The following PDE4B variants were observed in gnomAD, a reference collection of about 807,000 sequenced individuals.
The protein encoded by PDE4B is phosphodiesterase 4B.
PDE4B carries 20 observed loss-of-function variants against 82.2 expected under a neutral mutation model. That is an observed-to-expected ratio of 0.24 (90% CI 0.17 to 0.35). PDE4B has a LOEUF of 0.35. Among genes scored for constraint, PDE4B ranks in the 10% least tolerant of loss-of-function variants. PDE4B has a pLI of 1.00. For synonymous variants in PDE4B, 320 were observed against 318.9 expected, an observed-to-expected ratio of 1.00 and a Z score of -0.04; for missense variants, 655 against 907.2, an observed-to-expected ratio of 0.72 and a Z score of 3.57.
At chr1:65,917,177 A>G (rs769326048) in intron 2 of PDE4B, among the ~76,000 whole-genome samples, 33 of 152,222 alleles carry the variant, frequency 2.2e-4, no homozygotes, top group Admixed American at 1.3e-4. Context: ...CAAAATAATA[A>G]TAGATGTGTG....
chr1:66,354,515 A>T, intron 8 of PDE4B: 1 of 1,086,882 alleles, frequency 9.2e-7, no homozygotes, highest in Non-Finnish European at 1.1e-6. Context: ...CCCTTCGGCC[A>T]CCAGGGCTAT....
intron 3 of PDE4B, among the ~76,000 whole-genome samples, chr1:66,204,517 C>T (rs1371998948): frequency 6.6e-6 from 1 of 152,256 alleles, no homozygotes; most frequent in East Asian, 1.9e-4. Flanking sequence ...TTCCTGGCTG[C>T]TTTGTTTACC....
chr1:65,799,409 C>G (rs964865190), intron 1 of PDE4B, among the ~76,000 whole-genome samples: 2 of 152,074 alleles, frequency 1.3e-5, no homozygotes, highest in African/African-American at 2.4e-5. Flanking sequence ...AGAAAAACTA[C>G]TTCAATAAGT....
At chr1:66,023,978 T>G (rs561235988) in intron 3 of PDE4B, among the ~76,000 whole-genome samples, 1 of 152,196 alleles carries the variant, frequency 6.6e-6, no homozygotes, top group South Asian at 2.1e-4. Flanking sequence ...TACATACTGA[T>G]CTCAGTTATA....
At chr1:66,191,964 C>T (rs7517390) in intron 3 of PDE4B, among the ~76,000 whole-genome samples, 74,102 of 151,990 alleles carry the variant, frequency 0.49, 19,192 homozygotes, top group South Asian at 0.63. Context: ...ACGGGTCCCT[C>T]CCACAACACT....
In PDE4B at chr1:66,048,387, C is replaced by T. The variant is rs533992615; in HGVS notation, c.281+129552C>T. 2.6e-5 allele frequency among the ~76,000 whole-genome samples: 4 copies of T among 152,052 alleles called. No homozygotes were observed. In the South Asian group the frequency reaches 6.2e-4, roughly 24 times the overall value. On this transcript the variant is annotated intron_variant, in intron 3 of 16. Transcript: ENST00000341517. The stretch of plus-strand genomic sequence containing the variant: ...TTGCAGTCAATAAAACAGGCTCCCA[C>T]GATCATATCCTTTTATGACTTGGGG...
At chr1:66,231,420 A>G (rs1042656697) in intron 3 of PDE4B, among the ~76,000 whole-genome samples, 1 of 152,268 alleles carries the variant, frequency 6.6e-6, no homozygotes, top group African/African-American at 2.4e-5. Flanking sequence ...ATAATTGAGT[A>G]TTAAAAAGGA....
intron 3 of PDE4B, among the ~76,000 whole-genome samples, chr1:65,940,058 G>T (rs12566621): frequency 6.6e-6 from 1 of 152,256 alleles, no homozygotes; most frequent in Non-Finnish European, 1.5e-5. Flanking sequence ...TAAACAAGGT[G>T]ATGTGATAGA....
chr1:66,324,036 G>A lies in PDE4B; in HGVS notation c.635-8472G>A, dbSNP rs117452028. On this transcript the variant is annotated intron_variant, in intron 7 of 16. Coordinates refer to ENST00000341517, the MANE Select transcript of PDE4B (RefSeq NM_002600.4). ...TTTAGCTGGATGAGAACAGATTCTCGTTAGCATATAAATGCCAAAGGCAGA... is the reference window on the plus strand; with the variant it reads ...TTTAGCTGGATGAGAACAGATTCTCATTAGCATATAAATGCCAAAGGCAGA... Among the ~76,000 whole-genome samples, 17 of 152,232 alleles carry A rather than the reference G, an allele frequency of 1.1e-4. No individual in the cohort carries two copies. The East Asian group carries it at 2.9e-3, about 26-fold the overall frequency.
intron 6 of PDE4B, among the ~76,000 whole-genome samples, chr1:66,263,257 G>A (rs1435724561): frequency 6.6e-6 from 1 of 152,224 alleles, no homozygotes; most frequent in Non-Finnish European, 1.5e-5. Context: ...ACTCACAGAG[G>A]GAAGGCTCCT....
intron 3 of PDE4B, among the ~76,000 whole-genome samples, chr1:65,937,394 C>A (rs12023112): frequency 6.6e-6 from 1 of 152,308 alleles, no homozygotes; most frequent in East Asian, 1.9e-4. Flanking sequence ...CACAGTCAGT[C>A]ACAAGTTGAC....
chr1:65,904,879 A>G (rs1647011013), intron 1 of PDE4B, among the ~76,000 whole-genome samples: 1 of 152,322 alleles, frequency 6.6e-6, no homozygotes, highest in South Asian at 2.1e-4. Flanking sequence ...GGACTATAGA[A>G]TAGTGCCTGC....
intron 3 of PDE4B, among the ~76,000 whole-genome samples, chr1:66,102,190 A>G (rs1014592286): frequency 1.3e-5 from 2 of 152,064 alleles, no homozygotes; most frequent in African/African-American, 4.8e-5. Flanking sequence ...CCATTGGTCT[A>G]TATCTCTATA....
At position 66,229,981 on chromosome 1, in the gene PDE4B, C is replaced by T. The variant is rs988608469; in HGVS notation, c.282-17479C>T. ...CTGATCCATTTCATTAAATTACTAC[C>T]AAGTATTACAGATCTTTCCTAGGGC... On this transcript the variant is annotated intron_variant, in intron 3 of 16. Coordinates refer to ENST00000341517, the MANE Select transcript of PDE4B (RefSeq NM_002600.4). Among the ~76,000 whole-genome samples, 10 of 152,114 alleles carry T rather than the reference C, an allele frequency of 6.6e-5. No individual in the cohort carries two copies. The South Asian group carries it at 1.9e-3, about 28-fold the overall frequency.
Position 66,275,936 on chromosome 1 carries a change from C to G in PDE4B, c.634+9849C>G, listed in dbSNP as rs572899076. Among the ~76,000 whole-genome samples the G allele has an allele frequency of 2.6e-5, 4 of 152,324 alleles. No homozygotes were observed. The East Asian group carries it at 5.8e-4, about 22-fold the overall frequency. On this transcript the variant is annotated intron_variant, in intron 7 of 16. Coordinates refer to ENST00000341517, the MANE Select transcript of PDE4B (RefSeq NM_002600.4). The stretch of plus-strand genomic sequence containing the variant: ...GGAGTTTTCTGTATTTTTCCTACCC[C>G]CTGTCTGGCTGTGTCCACAGAGTAA...
chr1:65,882,319 C>T (rs1485703429), intron 1 of PDE4B, among the ~76,000 whole-genome samples: 1 of 152,174 alleles, frequency 6.6e-6, no homozygotes, highest in Admixed American at 6.6e-5. Context: ...GAATTCTGAG[C>T]TGTCACTGAC....
chr1:66,099,136 G>A (rs1200645448), intron 3 of PDE4B, among the ~76,000 whole-genome samples: 3 of 152,030 alleles, frequency 2.0e-5, no homozygotes, highest in African/African-American at 7.2e-5. Flanking sequence ...CCTAGGTATG[G>A]CCCCAGTGTA....
At chr1:66,298,134 A>T (rs1253620057) in intron 7 of PDE4B, among the ~76,000 whole-genome samples, 1 of 152,228 alleles carries the variant, frequency 6.6e-6, no homozygotes, top group Non-Finnish European at 1.5e-5. Flanking sequence ...TACAAAGTTC[A>T]TCAATAGAAC....
intron 3 of PDE4B, among the ~76,000 whole-genome samples, chr1:65,928,214 G>C (rs1418556687): frequency 1.3e-5 from 2 of 152,182 alleles, no homozygotes; most frequent in African/African-American, 4.8e-5. Flanking sequence ...TTCATTCAAG[G>C]AGTTCTGGGT....
Sources: allele counts gnomAD v4.1 joint callset (sites outside exome capture counted in the v4.1 genomes callset), GRCh38; gene constraint gnomAD v4.1.1; transcripts MANE v1.5; gene names NCBI Gene and HGNC (gene_info 2026-07-23, HGNC 2026-07-21).